The following DLGAP1 variants were observed in gnomAD, a reference collection of about 807,000 sequenced individuals.
DLGAP1 encodes DLG associated protein 1.
In DLGAP1, 11 loss-of-function variants were observed where a neutral mutation model predicts 90.8. That is an observed-to-expected ratio of 0.12 (90% CI 0.08 to 0.20). The LOEUF (loss-of-function observed/expected upper bound fraction) is 0.20. DLGAP1 is among the 10% of genes least tolerant of loss of function. The probability of loss-of-function intolerance (pLI) is 1.00; values close to 1 mark genes in which losing one functional copy is unlikely to be tolerated. For missense variants in DLGAP1, 1,050 were observed against 1,333.8 expected, an observed-to-expected ratio of 0.79 and a Z score of 3.31; for synonymous variants, 558 against 540.7, an observed-to-expected ratio of 1.03 and a Z score of -0.44.
intron 7 of DLGAP1, among the ~76,000 whole-genome samples, chr18:3,601,417 A>AT (rs775040803): frequency 9.2e-5 from 14 of 151,950 alleles, no homozygotes; most frequent in Non-Finnish European, 2.1e-4. Context: ...GGTCTTACAG[A>AT]TAAACACTTC....
At chr18:3,636,884 C>T (rs1171399493) in intron 7 of DLGAP1, among the ~76,000 whole-genome samples, 1 of 149,022 alleles carries the variant, frequency 6.7e-6, no homozygotes, top group African/African-American at 2.5e-5. Flanking sequence ...ACCACCACAC[C>T]TGGCTAATTT....
intron 3 of DLGAP1, among the ~76,000 whole-genome samples, chr18:3,943,270 G>A (rs146205461): frequency 1.8e-4 from 27 of 152,236 alleles, no homozygotes; most frequent in African/African-American, 5.3e-4. Flanking sequence ...AGAAGAAAGG[G>A]AAAAAGGAAC....
intron 2 of DLGAP1, among the ~76,000 whole-genome samples, chr18:4,089,911 G>A (rs2075747033): frequency 6.6e-6 from 1 of 152,182 alleles, no homozygotes; most frequent in Non-Finnish European, 1.5e-5. Context: ...CAGGTGCGGT[G>A]GCGGGCTCCT....
At chr18:4,302,745 C>A (rs2080157926) in intron 1 of DLGAP1, among the ~76,000 whole-genome samples, 1 of 152,012 alleles carries the variant, frequency 6.6e-6, no homozygotes, top group Non-Finnish European at 1.5e-5. Flanking sequence ...TTTCTAATTT[C>A]TATGAAAAAT....
At chr18:4,355,667 T>C (rs1268508271) in intron 1 of DLGAP1, among the ~76,000 whole-genome samples, 1 of 150,774 alleles carries the variant, frequency 6.6e-6, no homozygotes, top group Non-Finnish European at 1.5e-5. Context: ...ATTTCCTGGT[T>C]GTGATATTGT....
chr18:3,718,087 G>C (rs2061825203), intron 7 of DLGAP1, among the ~76,000 whole-genome samples: 1 of 152,084 alleles, frequency 6.6e-6, no homozygotes, highest in South Asian at 2.1e-4. Flanking sequence ...AAAGAAAGTT[G>C]CTTTAATTTG....
At chr18:3,961,257 AT>A (rs1239978106) in intron 3 of DLGAP1, among the ~76,000 whole-genome samples, 2 of 152,136 alleles carry the variant, frequency 1.3e-5, no homozygotes, top group African/African-American at 4.8e-5. Context: ...CCTTTGGGCC[AT>A]TTGTAGCTAG....
intron 3 of DLGAP1, among the ~76,000 whole-genome samples, chr18:3,914,093 C>A (rs2072091579): frequency 6.6e-6 from 1 of 152,114 alleles, no homozygotes; most frequent in Non-Finnish European, 1.5e-5. Context: ...ATTCTCTTAG[C>A]AAATTTCAAG....
At chr18:3,834,645 T>C (rs1036539671) in intron 4 of DLGAP1, among the ~76,000 whole-genome samples, 3 of 152,220 alleles carry the variant, frequency 2.0e-5, no homozygotes, top group Non-Finnish European at 2.9e-5. Flanking sequence ...TTTGACTATA[T>C]GTAGAAAATA....
At chr18:3,556,305 A>ACC (rs4065383) in intron 9 of DLGAP1, among the ~76,000 whole-genome samples, 132,493 of 151,790 alleles carry the variant, frequency 0.87, 58,730 homozygotes, top group Non-Finnish European at 0.94. Flanking sequence ...TGTCATTATC[A>ACC]CCCAAAGTCC....
intron 1 of DLGAP1, among the ~76,000 whole-genome samples, chr18:4,411,543 T>TGG (rs1445292389): frequency 6.6e-6 from 1 of 152,196 alleles, no homozygotes; most frequent in East Asian, 1.9e-4. Flanking sequence ...CATTGCTGCA[T>TGG]AACAAATCAC....
At chr18:4,086,531 T>C (rs1259994112) in intron 2 of DLGAP1, among the ~76,000 whole-genome samples, 1 of 152,210 alleles carries the variant, frequency 6.6e-6, no homozygotes, top group Non-Finnish European at 1.5e-5. Flanking sequence ...CTGAAAATGA[T>C]TTTTAAATTC....
intron 2 of DLGAP1, among the ~76,000 whole-genome samples, chr18:4,087,028 G>GATAGAT (rs1555737155): frequency 8.2e-6 from 1 of 121,880 alleles, no homozygotes; most frequent in African/African-American, 3.1e-5. Context: ...CCTTGTCTGA[G>GATAGAT]ATATATATAT....
intron 1 of DLGAP1, among the ~76,000 whole-genome samples, chr18:4,427,201 G>A (rs2083176950): frequency 6.6e-6 from 1 of 152,198 alleles, no homozygotes; most frequent in African/African-American, 2.4e-5. Flanking sequence ...CCGTGTGGTA[G>A]TGATATCATA....
chr18:4,279,506 ATCTT>A (rs2079499883), intron 1 of DLGAP1, among the ~76,000 whole-genome samples: 1 of 152,184 alleles, frequency 6.6e-6, no homozygotes, highest in East Asian at 1.9e-4. Context: ...CGTTGACTGA[ATCTT>A]GGTGCTGGTG....
chr18:3,536,170 C>T (rs1331934716), intron 9 of DLGAP1, among the ~76,000 whole-genome samples: 9 of 150,780 alleles, frequency 6.0e-5, no homozygotes, highest in Non-Finnish European at 8.9e-5. Context: ...AAGTTTCTTT[C>T]TTTCTTTCCT....
At chr18:4,222,653 C>G (rs1194642617) in intron 1 of DLGAP1, among the ~76,000 whole-genome samples, 1 of 151,102 alleles carries the variant, frequency 6.6e-6, no homozygotes, top group Admixed American at 6.6e-5. Context: ...GAATTAAGGA[C>G]TTTTTAATAT....
At chr18:4,360,950 C>T (rs76371418) in intron 1 of DLGAP1, among the ~76,000 whole-genome samples, 3,274 of 151,012 alleles carry the variant, frequency 0.022, 57 homozygotes, top group African/African-American at 0.047. Context: ...GAGTAAGATT[C>T]TACGTCAAAA....
At chr18:3,500,863 T>G (rs1437859749) in intron 12 of DLGAP1, among the ~76,000 whole-genome samples, 1 of 152,154 alleles carries the variant, frequency 6.6e-6, no homozygotes, top group Non-Finnish European at 1.5e-5. Context: ...TATTGGATAT[T>G]TTTTAGTCAT....
Sources: gnomAD v4.1 joint callset for allele counts (sites outside exome capture counted in the v4.1 genomes callset) on GRCh38, gnomAD v4.1.1 for gene constraint, MANE v1.5 for transcripts, NCBI Gene and HGNC (gene_info 2026-07-23, HGNC 2026-07-21) for gene names.